Variants in NUBPL observed in about 807,000 individuals in gnomAD.
NUBPL encodes the protein NUBP iron-sulfur cluster assembly factor, mitochondrial.
NUBPL carries 31 observed loss-of-function variants against 45.7 expected under a neutral mutation model. The ratio of observed to expected loss-of-function variants is 0.68; its 90% CI spans 0.51 to 0.92. The LOEUF is 0.92. Among genes scored for constraint, NUBPL ranks in the 40% least tolerant of loss-of-function variants. The pLI is 0.00. For missense variants in NUBPL, 401 were observed against 398.7 expected, an observed-to-expected ratio of 1.01 and a Z score of -0.05; for synonymous variants, 144 against 140.9, an observed-to-expected ratio of 1.02 and a Z score of -0.15.
chr14:31,708,473 T>G (rs909814047), intron 6 of NUBPL, among the ~76,000 whole-genome samples: 5 of 152,186 alleles, frequency 3.3e-5, no homozygotes, highest in African/African-American at 1.2e-4. Flanking sequence ...TAGCTCCAGC[T>G]TTGGCTAATG....
At chr14:31,850,020 T>C (rs1440776181) in intron 9 of NUBPL, 99 bp from the exon 10 acceptor site, 4 of 838,822 alleles carry the variant, frequency 4.8e-6, no homozygotes, top group South Asian at 4.3e-5. Context: ...TGAATCAATT[T>C]AGTTCCGATT....
chr14:31,625,477 CTT>C (rs34987045), intron 4 of NUBPL, among the ~76,000 whole-genome samples: 20 of 137,726 alleles, frequency 1.5e-4, no homozygotes, highest in Admixed American at 1.5e-4. Flanking sequence ...TCTTTTCTTT[CTT>C]TTTTTTTTTT....
intron 7 of NUBPL, among the ~76,000 whole-genome samples, chr14:31,812,608 C>G (rs911735634): frequency 2.6e-5 from 4 of 152,202 alleles, no homozygotes; most frequent in Non-Finnish European, 4.4e-5. Flanking sequence ...GGCGATGCCC[C>G]GCCCTGCTTC....
chr14:31,822,203 A>T (rs577126505), intron 7 of NUBPL, among the ~76,000 whole-genome samples: 12 of 152,298 alleles, frequency 7.9e-5, no homozygotes, highest in African/African-American at 2.9e-4. Flanking sequence ...TATTGGTTAT[A>T]ACACAAAAGA....
chr14:31,693,818 A>AAC (rs2037147517), intron 6 of NUBPL, among the ~76,000 whole-genome samples: 1 of 150,076 alleles, frequency 6.7e-6, no homozygotes, highest in African/African-American at 2.4e-5. Context: ...AAAAAAAAAA[A>AAC]AAAAACCTTT....
chr14:31,823,271 G>A (rs1477414451), intron 7 of NUBPL, among the ~76,000 whole-genome samples: 1 of 151,894 alleles, frequency 6.6e-6, no homozygotes, highest in Non-Finnish European at 1.5e-5. Context: ...TGCCTGTTTT[G>A]TGCAAAATAT....
At chr14:31,695,832 C>T (rs1051975125) in intron 6 of NUBPL, among the ~76,000 whole-genome samples, 2 of 152,136 alleles carry the variant, frequency 1.3e-5, no homozygotes, top group Non-Finnish European at 2.9e-5. Context: ...ACTAAAACAC[C>T]GCCTGAGTCA....
chr14:31,742,705 G>T (rs1458647166), intron 6 of NUBPL, among the ~76,000 whole-genome samples: 1 of 151,978 alleles, frequency 6.6e-6, no homozygotes, highest in Admixed American at 6.6e-5. Flanking sequence ...CTGGGTTCAA[G>T]TGATCCTCCT....
chr14:31,807,006 T>A (rs1337175092), intron 7 of NUBPL, among the ~76,000 whole-genome samples: 1 of 126,228 alleles, frequency 7.9e-6, no homozygotes. Context: ...CACATTTTCT[T>A]AATCCAGTCT....
rs547950188 is a variant in NUBPL, at chr14:31,607,196, C to T, written c.382+7817C>T. On this transcript the variant is annotated intron_variant, in intron 4 of 10. Transcript: ENST00000281081. ...AGGAGTTCAAGACCAGCCTGGGCAA[C>T]ATGGTGAAACCCCATCTCTACTAAA... Among the ~76,000 whole-genome samples, 7 of 152,210 alleles carry T rather than the reference C, an allele frequency of 4.6e-5. No individual in the cohort carries two copies. In the South Asian group the frequency reaches 1.2e-3, roughly 27 times the overall value.
At chr14:31,769,500 AGTG>A (rs919071098) in intron 6 of NUBPL, among the ~76,000 whole-genome samples, 44 of 152,278 alleles carry the variant, frequency 2.9e-4, no homozygotes, top group African/African-American at 1.1e-3. Context: ...GATGGCACTC[AGTG>A]TATATTGTGG....
chr14:31,561,988 CCA>C (rs2033295393), intron 1 of NUBPL, 78 bp from the exon 2 acceptor site: 2 of 1,433,436 alleles, frequency 1.4e-6, no homozygotes, highest in Admixed American at 4.0e-5. Context: ...ATTGCAAACC[CCA>C]GATTGTTTTT....
At chr14:31,820,614 A>G (rs112621357) in intron 7 of NUBPL, among the ~76,000 whole-genome samples, 28 of 152,244 alleles carry the variant, frequency 1.8e-4, no homozygotes, top group African/African-American at 5.5e-4. Context: ...ACCTGAGGTC[A>G]GGAGTTAGAG....
chr14:31,567,311 C>G (rs1480505481), intron 3 of NUBPL, among the ~76,000 whole-genome samples: 1 of 152,180 alleles, frequency 6.6e-6, no homozygotes, highest in African/African-American at 2.4e-5. Context: ...TAGTTATTGG[C>G]TTAACCTGCG....
intron 7 of NUBPL, among the ~76,000 whole-genome samples, chr14:31,805,303 A>T (rs1044748075): frequency 6.6e-6 from 1 of 152,224 alleles, no homozygotes; most frequent in Non-Finnish European, 1.5e-5. Context: ...GGGAACACTT[A>T]TACACTGTTG....
intron 4 of NUBPL, among the ~76,000 whole-genome samples, chr14:31,612,593 G>A (rs369940273): frequency 1.6e-4 from 24 of 152,166 alleles, no homozygotes; most frequent in African/African-American, 4.3e-4. Context: ...CCCAGGAGGC[G>A]GAGGTTGCAG....
chr14:31,650,449 C>T (rs912197681), intron 4 of NUBPL, among the ~76,000 whole-genome samples: 22 of 152,116 alleles, frequency 1.4e-4, no homozygotes, highest in Admixed American at 3.3e-4. Flanking sequence ...GCCACCACAC[C>T]CGGCTAATTT....
chr14:31,809,356 T>A (rs1024882637), intron 7 of NUBPL, among the ~76,000 whole-genome samples: 2 of 152,218 alleles, frequency 1.3e-5, no homozygotes, highest in South Asian at 2.1e-4. Flanking sequence ...AGGGTGTATG[T>A]GTTCAGGAAT....
At chr14:31,576,541 A>G (rs995763757) in intron 3 of NUBPL, among the ~76,000 whole-genome samples, 1 of 152,158 alleles carries the variant, frequency 6.6e-6, no homozygotes, top group Non-Finnish European at 1.5e-5. Flanking sequence ...GATTACAGGT[A>G]TGCACCACTA....
Sources: gnomAD v4.1 joint callset for allele counts (sites outside exome capture counted in the v4.1 genomes callset) on GRCh38, gnomAD v4.1.1 for gene constraint, MANE v1.5 for transcripts, NCBI Gene and HGNC (gene_info 2026-07-23, HGNC 2026-07-21) for gene names.